OSBPL8: variants seen among roughly 807,000 people sequenced by gnomAD.
The protein encoded by OSBPL8 is oxysterol binding protein like 8.
In OSBPL8, 59 loss-of-function variants were observed where a neutral mutation model predicts 125.5. The observed-to-expected ratio is 0.47, with a 90% CI of 0.38 to 0.58. The LOEUF (loss-of-function observed/expected upper bound fraction) is 0.58. Ranked by LOEUF, OSBPL8 falls within the 20% of genes least tolerant of loss-of-function variation. The pLI is 0.00. For synonymous variants in OSBPL8, 330 were observed against 338.9 expected (o/e 0.97, Z 0.29); for missense variants, 758 against 1,047.8 (o/e 0.72, Z 3.82).
At chr12:76,403,401 A>G (rs1051113617) in intron 5 of OSBPL8, among the ~76,000 whole-genome samples, 5 of 152,188 alleles carry the variant, frequency 3.3e-5, no homozygotes, top group Non-Finnish European at 7.4e-5. Flanking sequence ...AGAATCTTGA[A>G]AAATAGGCAC....
At chr12:76,511,253 T>A (rs1046134417) in intron 1 of OSBPL8, among the ~76,000 whole-genome samples, 101 of 152,338 alleles carry the variant, frequency 6.6e-4, no homozygotes, top group African/African-American at 2.2e-3. Context: ...CCTCTGGGTA[T>A]ATACCCAGTA....
intron 1 of OSBPL8, among the ~76,000 whole-genome samples, chr12:76,526,429 C>T (rs1950173463): frequency 2.0e-5 from 3 of 151,950 alleles, no homozygotes; most frequent in South Asian, 4.1e-4. Context: ...AGTCAGTGTA[C>T]CAATTTCATA....
intron 4 of OSBPL8, among the ~76,000 whole-genome samples, chr12:76,437,127 A>G (rs1476228702): frequency 2.6e-5 from 4 of 152,202 alleles, no homozygotes; most frequent in African/African-American, 9.6e-5. Context: ...ATTACCAACA[A>G]TTCTGCTGGT....
At chr12:76,388,380 T>C (rs1953408226) in intron 12 of OSBPL8, among the ~76,000 whole-genome samples, 1 of 152,314 alleles carries the variant, frequency 6.6e-6, no homozygotes, top group South Asian at 2.1e-4. Context: ...TAGTGTATGA[T>C]AGTCCCTGAT....
At chr12:76,493,103 T>C (rs1279483350) in intron 1 of OSBPL8, among the ~76,000 whole-genome samples, 1 of 152,202 alleles carries the variant, frequency 6.6e-6, no homozygotes, top group African/African-American at 2.4e-5. Context: ...TCCACCAGCA[T>C]GGCTGTGAGC....
intron 4 of OSBPL8, among the ~76,000 whole-genome samples, chr12:76,436,693 A>G (rs531119897): frequency 1.2e-4 from 18 of 152,320 alleles, no homozygotes; most frequent in African/African-American, 4.1e-4. Flanking sequence ...ATCTAGTTAC[A>G]GAACTAGGAA....
At chr12:76,425,419 T>C (rs893641074) in intron 4 of OSBPL8, among the ~76,000 whole-genome samples, 2 of 152,218 alleles carry the variant, frequency 1.3e-5, no homozygotes, top group Non-Finnish European at 2.9e-5. Flanking sequence ...AGAGAAAATA[T>C]TCCTATAGGA....
intron 21 of OSBPL8, chr12:76,366,670 C>A (rs532321136): frequency 5.0e-5 from 19 of 380,082 alleles, no homozygotes; most frequent in African/African-American, 4.1e-4. Context: ...TAGATGTTCA[C>A]AGATATATAT....
At chr12:76,495,987 T>G (rs949065593) in intron 1 of OSBPL8, among the ~76,000 whole-genome samples, 1 of 152,074 alleles carries the variant, frequency 6.6e-6, no homozygotes. Flanking sequence ...TTTGTGTACT[T>G]CCTGAAGTAT....
At chr12:76,523,338 T>C (rs1029637119) in intron 1 of OSBPL8, among the ~76,000 whole-genome samples, 8 of 152,244 alleles carry the variant, frequency 5.3e-5, no homozygotes, top group Middle Eastern at 3.4e-3. Context: ...CCAAGGCTAA[T>C]GGAAGAATAA....
chr12:76,543,593 C>T (rs1950703264), intron 1 of OSBPL8, among the ~76,000 whole-genome samples: 2 of 152,078 alleles, frequency 1.3e-5, no homozygotes, highest in Non-Finnish European at 2.9e-5. Flanking sequence ...CACTGATATC[C>T]AAAAGCCATT....
intron 16 of OSBPL8, among the ~76,000 whole-genome samples, chr12:76,376,377 AT>A (rs1952819943): frequency 6.6e-6 from 1 of 152,198 alleles, no homozygotes; most frequent in Non-Finnish European, 1.5e-5. Flanking sequence ...TGTTTCTCAA[AT>A]TTATTTGGCT....
At position 76,376,004 on chromosome 12, in the gene OSBPL8, G is replaced by C. The variant is rs1016411034; in HGVS notation, c.1730-634C>G. 3.3e-5 allele frequency among the ~76,000 whole-genome samples: 5 copies of C among 152,070 alleles called. No individual in the cohort carries two copies. In the East Asian group the frequency reaches 9.6e-4, roughly 29 times the overall value. Reference sequence around the variant, plus strand: ...TGTAATTAATGTTATAATTACATCAGGTTTCTTTAAATAGAAGCATATATA... The same window carrying C: ...TGTAATTAATGTTATAATTACATCACGTTTCTTTAAATAGAAGCATATATA... On this transcript the variant is annotated intron_variant, in intron 16 of 23. Coordinates refer to ENST00000261183, the MANE Select transcript of OSBPL8 (RefSeq NM_020841.5).
At chr12:76,502,155 A>G (rs1879969590) in intron 1 of OSBPL8, among the ~76,000 whole-genome samples, 1 of 152,184 alleles carries the variant, frequency 6.6e-6, no homozygotes, top group Admixed American at 6.5e-5. Flanking sequence ...AGAAGGCTGT[A>G]TATGCTCTGG....
At position 76,355,655 on chromosome 12, in the gene OSBPL8, A is replaced by C. The variant is rs1401997159; in HGVS notation, c.*234T>G. The C allele has an allele frequency of 2.3e-6, 1 of 438,398 alleles. No homozygotes were observed. Among genetic ancestry groups the C allele is most frequent in the African/African-American group, 2.0e-5 (1 of 49,076 alleles). 27.2% of individuals were successfully genotyped at this position (438,398 alleles called of 1,614,324 possible). On this transcript the variant is annotated 3_prime_UTR_variant, in exon 24 of 24. Transcript: ENST00000261183. ...TACTCATATGTAGACACATTCTCAC[A>C]AAAGCTAGAAATGTCCTGGCACTTA...
chr12:76,374,687 T>C (rs1005583256), intron 17 of OSBPL8, among the ~76,000 whole-genome samples: 1 of 152,228 alleles, frequency 6.6e-6, no homozygotes, highest in African/African-American at 2.4e-5. Flanking sequence ...AGCCTTCAGG[T>C]GATTACAGTC....
At chr12:76,518,575 C>A (rs1881776256) in intron 1 of OSBPL8, among the ~76,000 whole-genome samples, 1 of 152,210 alleles carries the variant, frequency 6.6e-6, no homozygotes, top group Non-Finnish European at 1.5e-5. Flanking sequence ...CTCCACACTG[C>A]CCTAGTAGAG....
intron 4 of OSBPL8, among the ~76,000 whole-genome samples, chr12:76,411,430 A>G (rs1381979469): frequency 6.6e-6 from 1 of 152,120 alleles, no homozygotes; most frequent in Admixed American, 6.6e-5. Flanking sequence ...TCAGAGTCCA[A>G]TAAAAGCCTA....
At chr12:76,416,095 A>G (rs1868630213) in intron 4 of OSBPL8, among the ~76,000 whole-genome samples, 1 of 152,096 alleles carries the variant, frequency 6.6e-6, no homozygotes. Context: ...TATTCCACAA[A>G]TTTCGATATG....
Sources: gnomAD v4.1 joint callset for allele counts (sites outside exome capture counted in the v4.1 genomes callset) on GRCh38, gnomAD v4.1.1 for gene constraint, MANE v1.5 for transcripts, NCBI Gene and HGNC (gene_info 2026-07-23, HGNC 2026-07-21) for gene names.